GRTP1: variants seen among roughly 807,000 people sequenced by gnomAD.
The protein encoded by GRTP1 is growth hormone regulated TBC protein 1, also known as growth hormone-regulated TBC protein 1.
In GRTP1, 56 loss-of-function variants were observed where a neutral mutation model predicts 38.1. The observed-to-expected ratio is 1.47, with a 90% CI of 1.19 to 1.84. The LOEUF is 1.84. Among genes scored for constraint, GRTP1 ranks in the 40% most tolerant of loss-of-function variants. The pLI, the probability that GRTP1 is intolerant of heterozygous loss-of-function variation, is 0.00. For synonymous variants in GRTP1, 217 were observed against 189.5 expected (o/e 1.14, Z -1.19); for missense variants, 506 against 453.9 (o/e 1.11, Z -1.04).
intron 5 of GRTP1, among the ~76,000 whole-genome samples, chr13:113,331,261 T>C (rs1044644008): frequency 2.0e-5 from 3 of 152,328 alleles, no homozygotes; most frequent in Non-Finnish European, 2.9e-5. Flanking sequence ...ACATGGTCTT[T>C]GCTCCTCATC....
Position 113,325,900 on chromosome 13 carries a change from G to C in GRTP1, c.735+19C>G. On this transcript the variant is annotated intron_variant, in intron 6 of 7. Coordinates refer to ENST00000375431, the MANE Select transcript of GRTP1 (RefSeq NM_024719.4). ...TCCCTGGCGGCCCGCCCGCCCCAGG[G>C]CCCGAGTGAGGCGCTCACCTCCACG... The C allele has an allele frequency of 6.2e-7, 1 of 1,613,886 alleles. No homozygotes were observed. The highest frequency in any genetic ancestry group is 8.5e-7 in the Non-Finnish European group (1 of 1,179,912).
At chr13:113,357,394 G>A (rs1388302449) in intron 2 of GRTP1, among the ~76,000 whole-genome samples, 4 of 139,410 alleles carry the variant, frequency 2.9e-5, no homozygotes, top group South Asian at 2.2e-4. Flanking sequence ...GCAGTGAGCC[G>A]AGATCACGCC....
In GRTP1 at chr13:113,355,435, G is replaced by A; in HGVS notation, c.228C>T (p.Arg76=). 6.2e-7 allele frequency: 1 copy of A among 1,613,952 alleles called. No individual in the cohort carries two copies. The highest frequency in any genetic ancestry group is 8.5e-7 in the Non-Finnish European group (1 of 1,179,920). Residue 76 remains arginine, a synonymous_variant, in exon 3 of 8, where the codon CGC becomes CGT. Coordinates refer to ENST00000375431, the MANE Select transcript of GRTP1 (RefSeq NM_024719.4). The stretch of plus-strand genomic sequence containing the variant: ...GGGCCCCACTCAGCACCATCCAGAC[G>A]CGGGCACGGTGCTCCAGCGGGACCC... ...RKGVPLEHRA[R]VWMVLSGAQA...
rs2043033288 is a variant in GRTP1 at position 113,342,037 on chromosome 13, C to T, written c.562+2826G>A. Reference sequence around the variant, plus strand: ...TCTAGCTCACTGCAACCTCAGCCTCCCTCAAGCTGATTCTTGTGCCTCAGC... The same window carrying T: ...TCTAGCTCACTGCAACCTCAGCCTCTCTCAAGCTGATTCTTGTGCCTCAGC... On this transcript the variant is annotated intron_variant, in intron 5 of 7. Coordinates refer to ENST00000375431, the MANE Select transcript of GRTP1 (RefSeq NM_024719.4). The surrounding 1 kb of genome is among the most constrained non-coding windows in gnomAD (Gnocchi z 4.5). Among the ~76,000 whole-genome samples, 1 of 152,062 alleles carries T rather than the reference C, an allele frequency of 6.6e-6. No individual in the cohort carries two copies. The highest frequency in any genetic ancestry group is 6.6e-5 in the Admixed American group (1 of 15,264).
In GRTP1 at chr13:113,342,271, C is replaced by T. The variant is rs1021318141; in HGVS notation, c.562+2592G>A. 1.1e-4 allele frequency among the ~76,000 whole-genome samples: 16 copies of T among 152,000 alleles called. No individual in the cohort carries two copies. The East Asian group carries it at 1.4e-3, about 13-fold the overall frequency. Reference sequence around the variant, plus strand: ...TCTATAAAAAGTACTGTTGGGAGGCCGAGGCAGGCGGATCACGAGGTCAGG... The same window carrying T: ...TCTATAAAAAGTACTGTTGGGAGGCTGAGGCAGGCGGATCACGAGGTCAGG... On this transcript the variant is annotated intron_variant, in intron 5 of 7. Coordinates refer to ENST00000375431, the MANE Select transcript of GRTP1 (RefSeq NM_024719.4). This position sits in a 1 kb window ranked among gnomAD's most constrained non-coding sequence, Gnocchi z 4.5.
rs145134890 is a variant in GRTP1 at position 113,348,444 on chromosome 13, G to A, written c.465+2405C>T. The stretch of plus-strand genomic sequence containing the variant: ...CCAGCCTGGGTGACAGAGCGAGACC[G>A]TGTGCACTGTGTAACTCTACACATA... On this transcript the variant is annotated intron_variant, in intron 4 of 7. Transcript: ENST00000375431. The surrounding 1 kb of genome is among the most constrained non-coding windows in gnomAD (Gnocchi z 4.8). Among the ~76,000 whole-genome samples, 514 of 152,234 alleles carry A rather than the reference G, an allele frequency of 3.4e-3. 3 individuals are homozygous for A. Among genetic ancestry groups the A allele is most frequent in the South Asian group, 0.015 (72 of 4,828 alleles).
rs2043053914 is a variant in GRTP1 at position 113,343,459 on chromosome 13, CCTT to C, written c.562+1401_562+1403del. ...GTCTCTGGCATCCTCATTTCTGCGCCCTTGGGTTGAGGGTGGCGCTGATTCCTC... is the reference window on the plus strand; with the variant it reads ...GTCTCTGGCATCCTCATTTCTGCGCCGGGTTGAGGGTGGCGCTGATTCCTC... On this transcript the variant is annotated intron_variant, in intron 5 of 7. Transcript: ENST00000375431. This position sits in a 1 kb window ranked among gnomAD's most constrained non-coding sequence, Gnocchi z 4.8. Among the ~76,000 whole-genome samples, 2 of 152,156 alleles carry C rather than the reference CCTT, an allele frequency of 1.3e-5. No homozygotes were observed. Among genetic ancestry groups the C allele is most frequent in the Admixed American group, 1.3e-4 (2 of 15,276 alleles).
chr13:113,328,978 C>T (rs1027799983), intron 5 of GRTP1, among the ~76,000 whole-genome samples: 1 of 150,088 alleles, frequency 6.7e-6, no homozygotes, highest in Non-Finnish European at 1.5e-5. Flanking sequence ...TCTCCTGGTT[C>T]CCTTCCCTGC....
chr13:113,344,420 A>C (rs1262548343), intron 5 of GRTP1, among the ~76,000 whole-genome samples: 1 of 152,246 alleles, frequency 6.6e-6, no homozygotes, highest in East Asian at 1.9e-4. Flanking sequence ...TTTTTACTGC[A>C]AAAAGATTTT....
chr13:113,341,484 C>T (rs2043025526), intron 5 of GRTP1, among the ~76,000 whole-genome samples: 1 of 152,222 alleles, frequency 6.6e-6, no homozygotes. Flanking sequence ...TCAGGCTGGT[C>T]TCGAACTCCT....
intron 4 of GRTP1, among the ~76,000 whole-genome samples, chr13:113,346,071 C>T (rs61966585): frequency 0.2 from 1,675 of 8,390 alleles, 392 homozygotes; most frequent in Non-Finnish European, 0.24. Flanking sequence ...AGGACCTCTG[C>T]GGCTGAGCAG....
intron 6 of GRTP1, 21 bp from the exon 7 acceptor site, chr13:113,325,867 G>C: frequency 1.2e-6 from 2 of 1,613,702 alleles, no homozygotes; most frequent in Non-Finnish European, 1.7e-6. Flanking sequence ...ATGGGAACCC[G>C]GTGTCACTCC....
chr13:113,339,430 CAT>C (rs1217677238), intron 5 of GRTP1: 8 of 152,220 alleles, frequency 5.3e-5, no homozygotes, highest in Non-Finnish European at 1.2e-4. Context: ...CCTACTCCCA[CAT>C]GACACGACTG....
chr13:113,325,565 G>T, intron 7 of GRTP1, 96 bp downstream of exon 7: 1 of 1,596,460 alleles, frequency 6.3e-7, no homozygotes, highest in Non-Finnish European at 8.5e-7. Flanking sequence ...ACTGGTGCCC[G>T]TCCTGTGCAC....
In GRTP1 at chr13:113,334,767, G is replaced by A. The variant is rs1015148023; in HGVS notation, c.563-8676C>T. 5.3e-5 allele frequency among the ~76,000 whole-genome samples: 8 copies of A among 152,172 alleles called. No individual in the cohort carries two copies. The South Asian group carries it at 8.3e-4, about 16-fold the overall frequency. Reference sequence around the variant, plus strand: ...GCCGCAAACATGAGCACCACAGCCCGGCAGTGGAGGACTGATGGCCTTTTC... The same window carrying A: ...GCCGCAAACATGAGCACCACAGCCCAGCAGTGGAGGACTGATGGCCTTTTC... On this transcript the variant is annotated intron_variant, in intron 5 of 7. Coordinates refer to ENST00000375431, the MANE Select transcript of GRTP1 (RefSeq NM_024719.4).
At position 113,350,927 on chromosome 13, in the gene GRTP1, C is replaced by T. The variant is rs755913561; in HGVS notation, c.387G>A (p.Thr129=). The T allele has an allele frequency of 2.8e-5, 45 of 1,613,580 alleles. No individual in the cohort carries two copies. Among genetic ancestry groups the T allele is most frequent in the Middle Eastern group, 3.3e-4 (2 of 6,062 alleles). The change falls in exon 4 of 8, where the codon ACG becomes ACA. Residue 129 remains threonine (T), a synonymous_variant. Coordinates refer to ENST00000375431, the MANE Select transcript of GRTP1 (RefSeq NM_024719.4). ...FPDNVKFRKT[T]DPCLQRTLYN... Reference sequence around the variant, plus strand: ...ACAGGGTCCTCTGTAAGCAGGGGTCCGTGGTCTTCCGGAACTTCACGTTGT... The same window carrying T: ...ACAGGGTCCTCTGTAAGCAGGGGTCTGTGGTCTTCCGGAACTTCACGTTGT...
At chr13:113,352,261 T>TATTTATATA (rs71101571) in intron 3 of GRTP1, among the ~76,000 whole-genome samples, 2 of 69,820 alleles carry the variant, frequency 2.9e-5, no homozygotes, top group South Asian at 4.8e-4. Context: ...TATTTATATA[T>TATTTATATA]TTTTATATTT....
intron 5 of GRTP1, among the ~76,000 whole-genome samples, chr13:113,338,550 G>A (rs1051265464): frequency 6.6e-6 from 1 of 152,132 alleles, no homozygotes; most frequent in Non-Finnish European, 1.5e-5. Flanking sequence ...GCCCGGGGAT[G>A]GGATCTCAGC....
In GRTP1 at chr13:113,348,687, G is replaced by A. The variant is rs1046792715; in HGVS notation, c.465+2162C>T. 6.6e-6 allele frequency among the ~76,000 whole-genome samples: 1 copy of A among 152,184 alleles called. No individual in the cohort carries two copies. Among genetic ancestry groups the A allele is most frequent in the Non-Finnish European group, 1.5e-5 (1 of 68,040 alleles). ...GCACAGGAGAACGCACATGGAGATG[G>A]AGGCAGAGATTGGAGTAGTGATGCC... On this transcript the variant is annotated intron_variant, in intron 4 of 7. Coordinates refer to ENST00000375431, the MANE Select transcript of GRTP1 (RefSeq NM_024719.4). The surrounding 1 kb of genome is among the most constrained non-coding windows in gnomAD (Gnocchi z 4.8).
Sources: gnomAD v4.1 joint callset for allele counts (sites outside exome capture counted in the v4.1 genomes callset) on GRCh38, gnomAD v4.1.1 for gene constraint, Gnocchi (gnomAD v3.1) non-coding constraint, MANE v1.5 for transcripts, NCBI Gene and HGNC (gene_info 2026-07-23, HGNC 2026-07-21) for gene names.